The following EPC1 variants were observed in gnomAD, a reference collection of about 807,000 sequenced individuals.
The protein encoded by EPC1 is enhancer of polycomb 1, also known as enhancer of polycomb homolog 1.
Under a neutral mutation model 98.4 loss-of-function variants are expected in EPC1, and 12 were observed. The observed-to-expected ratio is 0.12, with a 90% CI of 0.08 to 0.20. EPC1 has a LOEUF of 0.20. EPC1 is among the 10% of genes least tolerant of loss of function. The probability of loss-of-function intolerance (pLI) is 1.00; values close to 1 mark genes in which losing one functional copy is unlikely to be tolerated. For missense variants in EPC1, 729 were observed against 990.5 expected, an observed-to-expected ratio of 0.74 and a Z score of 3.54; for synonymous variants, 357 against 363.9, an observed-to-expected ratio of 0.98 and a Z score of 0.21.
intron 2 of EPC1, among the ~76,000 whole-genome samples, chr10:32,300,592 C>A (rs1221439368): frequency 1.3e-5 from 2 of 151,912 alleles, no homozygotes. Context: ...CACCACCATG[C>A]CTGGCTAATT....
chr10:32,322,354 G>A (rs988683995), intron 1 of EPC1, among the ~76,000 whole-genome samples: 10 of 152,086 alleles, frequency 6.6e-5, no homozygotes, highest in Non-Finnish European at 1.3e-4. Context: ...AGAAAGTAAT[G>A]AGAAATGAGT....
Position 32,369,080 on chromosome 10 carries a change from T to TA in EPC1, c.3+9410dup, listed in dbSNP as rs573075948. The stretch of plus-strand genomic sequence containing the variant: ...GCTTCTGGTCAGCTATTCTGGAAGC[T>TA]AAAAAACCTTGTCAATAGAATAACA... On this transcript the variant is annotated intron_variant, in intron 1 of 13. Transcript: ENST00000375110. 2.0e-4 allele frequency among the ~76,000 whole-genome samples: 31 copies of TA among 152,258 alleles called. No individual in the cohort carries two copies. In the East Asian group the frequency reaches 5.6e-3, roughly 27 times the overall value.
At chr10:32,376,374 G>C (rs975704080) in intron 1 of EPC1, among the ~76,000 whole-genome samples, 12 of 151,998 alleles carry the variant, frequency 7.9e-5, no homozygotes, top group African/African-American at 2.4e-4. Flanking sequence ...ACATGTGTTG[G>C]AAAGTATATT....
At chr10:32,286,546 C>T in intron 9 of EPC1, 148 bp downstream of exon 9, 1 of 957,654 alleles carries the variant, frequency 1.0e-6, no homozygotes, top group Non-Finnish European at 1.5e-6. Context: ...GGCAGCACAG[C>T]AACAAAAATA....
intron 1 of EPC1, among the ~76,000 whole-genome samples, chr10:32,344,329 T>TAA (rs1838601512): frequency 6.6e-6 from 1 of 152,194 alleles, no homozygotes; most frequent in South Asian, 2.1e-4. Context: ...TGTCTATTCT[T>TAA]GAGGTCTATG....
chr10:32,363,139 T>C (rs1839491997), intron 1 of EPC1, among the ~76,000 whole-genome samples: 1 of 152,190 alleles, frequency 6.6e-6, no homozygotes, highest in African/African-American at 2.4e-5. Context: ...AGTGGCACAA[T>C]CTCAGCTCAC....
At chr10:32,373,223 A>G (rs1839799710) in intron 1 of EPC1, among the ~76,000 whole-genome samples, 1 of 152,110 alleles carries the variant, frequency 6.6e-6, no homozygotes, top group Non-Finnish European at 1.5e-5. Flanking sequence ...TGGCTGCAAA[A>G]TGGGTATAAT....
rs1215775018 is a variant in EPC1, at chr10:32,347,135, T to A, written c.-220A>T. Reference sequence around the variant, plus strand: ...TCTCTTCAATACGCCATGGCCAACATGGCGGACATTAAAACTCCACTGTGC... The same window carrying A: ...TCTCTTCAATACGCCATGGCCAACAAGGCGGACATTAAAACTCCACTGTGC... On this transcript the variant is annotated 5_prime_UTR_variant, in exon 1 of 14. It removes an upstream start codon present in the reference 5' UTR. Transcript: ENST00000319778. 4 of 1,423,400 alleles carry A rather than the reference T, an allele frequency of 2.8e-6. No individual in the cohort carries two copies. The highest frequency in any genetic ancestry group is 2.6e-5 in the East Asian group (1 of 38,500). The allele number at this position is 1,423,400 out of a possible 1,614,324, so 88.2% of individuals were successfully genotyped here.
intron 2 of EPC1, among the ~76,000 whole-genome samples, chr10:32,304,248 T>C (rs1282033931): frequency 1.3e-5 from 2 of 152,326 alleles, no homozygotes; most frequent in African/African-American, 4.8e-5. Context: ...ATTAATTTTT[T>C]CTCATAATGA....
At chr10:32,313,199 T>C (rs113039119) in intron 1 of EPC1, among the ~76,000 whole-genome samples, 179 of 152,226 alleles carry the variant, frequency 1.2e-3, no homozygotes, top group African/African-American at 3.6e-3. Context: ...CACTAATCAT[T>C]GATAGAAAAC....
chr10:32,370,240 C>G (rs969136688), intron 1 of EPC1, among the ~76,000 whole-genome samples: 2 of 152,260 alleles, frequency 1.3e-5, no homozygotes, highest in African/African-American at 4.8e-5. Flanking sequence ...CTCCACAGAA[C>G]TGGTTTCACT....
At chr10:32,298,664 C>G (rs1835313145) in intron 2 of EPC1, among the ~76,000 whole-genome samples, 2 of 152,166 alleles carry the variant, frequency 1.3e-5, no homozygotes, top group African/African-American at 4.8e-5. Flanking sequence ...CTTCAGTTTC[C>G]TTTGCTTAAA....
At chr10:32,315,976 C>T (rs1185386401) in intron 1 of EPC1, among the ~76,000 whole-genome samples, 1 of 152,188 alleles carries the variant, frequency 6.6e-6, no homozygotes, top group Non-Finnish European at 1.5e-5. Flanking sequence ...TTGCACTCCC[C>T]TTTCCTTGTT....
At position 32,284,627 on chromosome 10, in the gene EPC1, T is replaced by C. The variant is rs532392498; in HGVS notation, c.1744+71A>G. 1.3e-5 allele frequency: 17 copies of C among 1,263,384 alleles called. 1 individual carries two copies. The East Asian group carries it at 1.6e-4, about 12-fold the overall frequency. 78.3% of individuals were successfully genotyped at this position (1,263,384 alleles called of 1,614,324 possible). On this transcript the variant is annotated intron_variant, in intron 10 of 13. Coordinates refer to ENST00000319778, the MANE Select transcript of EPC1 (RefSeq NM_001272004.3). ...TAAGCCATAAATGTAACAGACCACA[T>C]AGTCGAACAAATGGGAAATGGTTGG...
chr10:32,334,728 T>C (rs1198998355), intron 1 of EPC1, among the ~76,000 whole-genome samples: 1 of 152,218 alleles, frequency 6.6e-6, no homozygotes, highest in Non-Finnish European at 1.5e-5. Flanking sequence ...TTCTCTGGGA[T>C]AGTCAAAAGT....
At chr10:32,328,752 G>A (rs533631631) in intron 1 of EPC1, among the ~76,000 whole-genome samples, 95 of 152,262 alleles carry the variant, frequency 6.2e-4, no homozygotes, top group African/African-American at 2.1e-3. Flanking sequence ...TCTGAATGGC[G>A]GTGGGATGGG....
intron 1 of EPC1, among the ~76,000 whole-genome samples, chr10:32,306,897 T>C (rs1004256679): frequency 2.0e-5 from 3 of 151,902 alleles, no homozygotes; most frequent in African/African-American, 7.3e-5. Context: ...AACAAGTTCA[T>C]GGATAAAAAG....
chr10:32,377,685 C>T (rs1396231472), intron 1 of EPC1, among the ~76,000 whole-genome samples: 1 of 152,008 alleles, frequency 6.6e-6, no homozygotes, highest in Non-Finnish European at 1.5e-5. Flanking sequence ...TCAAATCTTG[C>T]CCCACCTCTT....
At chr10:32,290,497 A>T (rs373113408) in intron 6 of EPC1, among the ~76,000 whole-genome samples, 1 of 56,354 alleles carries the variant, frequency 1.8e-5, no homozygotes, top group Admixed American at 1.7e-4. Context: ...AAAAAAAAAA[A>T]AAAAAAAAAA....
Sources: allele counts gnomAD v4.1 joint callset (sites outside exome capture counted in the v4.1 genomes callset), GRCh38; gene constraint gnomAD v4.1.1; transcripts MANE v1.5; gene names NCBI Gene and HGNC (gene_info 2026-07-23, HGNC 2026-07-21).